The following DNAAF5 variants were observed in gnomAD, a reference collection of about 807,000 sequenced individuals.
DNAAF5 encodes dynein axonemal assembly factor 5, also known as HEAT repeat containing 2.
In DNAAF5, 64 loss-of-function variants were observed where a neutral mutation model predicts 75.8. The ratio of observed to expected loss-of-function variants is 0.84; its 90% confidence interval spans 0.69 to 1.04. The LOEUF is 1.04. Among genes scored for constraint, DNAAF5 ranks in the 50% least tolerant of loss-of-function variants. DNAAF5 has a pLI of 0.00. For missense variants in DNAAF5, 1,269 were observed against 1,178.5 expected, an observed-to-expected ratio of 1.08 and a Z score of -1.12; for synonymous variants, 657 against 557.2, an observed-to-expected ratio of 1.18 and a Z score of -2.52.
At chr7:781,595 G>C (rs1026100354) in intron 12 of DNAAF5, among the ~76,000 whole-genome samples, 5 of 139,362 alleles carry the variant, frequency 3.6e-5, no homozygotes, top group African/African-American at 1.2e-4. Flanking sequence ...CCTCCAGACT[G>C]TTCTCCCAGC....
chr7:740,129 C>T (rs1781859396), intron 2 of DNAAF5, among the ~76,000 whole-genome samples: 1 of 152,208 alleles, frequency 6.6e-6, no homozygotes, highest in South Asian at 2.1e-4. Flanking sequence ...GCTTCCTCAC[C>T]TGGCTTCTTC....
At chr7:767,869 G>A (rs1002962563) in intron 8 of DNAAF5, among the ~76,000 whole-genome samples, 1 of 149,882 alleles carries the variant, frequency 6.7e-6, no homozygotes, top group Non-Finnish European at 1.5e-5. Context: ...ACGCTGGGAG[G>A]GCAGACACAT....
At chr7:748,418 G>A (rs911670132) in intron 4 of DNAAF5, among the ~76,000 whole-genome samples, 6 of 152,188 alleles carry the variant, frequency 3.9e-5, no homozygotes, top group South Asian at 2.1e-4. Context: ...CTGTGCACCC[G>A]TACGTCGTCT....
At position 754,637 on chromosome 7, in the gene DNAAF5, C is replaced by A; in HGVS notation, c.1073C>A (p.Ser358Tyr). 6.2e-7 allele frequency: 1 copy of A among 1,614,162 alleles called. No homozygotes were observed. The highest frequency in any genetic ancestry group is 8.5e-7 in the Non-Finnish European group (1 of 1,180,022). ...CGGGAGCTCGTCTTCAGGAACCTCT[C>A]CAAGATCCTCCCTGCCCTGTGCCAC... ...GCRELVFRNL[S>Y]KILPALCHDI... Residue 358 changes from serine to tyrosine, a missense_variant, in exon 5 of 13, where the codon TCC (serine) becomes TAC (tyrosine). Coordinates refer to ENST00000297440, the MANE Select transcript of DNAAF5 (RefSeq NM_017802.4). The surrounding 1 kb of genome is among the most constrained non-coding windows in gnomAD (Gnocchi z 4.8).
At chr7:774,942 G>C in intron 10 of DNAAF5, 64 bp from the exon 11 acceptor site, 2 of 1,509,214 alleles carry the variant, frequency 1.3e-6, no homozygotes. Flanking sequence ...TGCACGGATG[G>C]TGAGCACCCC....
At chr7:780,192 C>T in intron 12 of DNAAF5, 48 bp downstream of exon 12, 1 of 1,558,328 alleles carries the variant, frequency 6.4e-7, no homozygotes, top group Non-Finnish European at 8.8e-7. Flanking sequence ...GCTTTCGGCG[C>T]CTGCCACGGG....
At chr7:774,673 A>C (rs1204157749) in intron 10 of DNAAF5, among the ~76,000 whole-genome samples, 2 of 152,278 alleles carry the variant, frequency 1.3e-5, no homozygotes, top group East Asian at 1.9e-4. Flanking sequence ...GCGCCCGTGC[A>C]GCATCAGCGC....
At chr7:763,628 C>T (rs768657378) in intron 7 of DNAAF5, among the ~76,000 whole-genome samples, 178 bp from the exon 8 acceptor site, 23 of 152,324 alleles carry the variant, frequency 1.5e-4, no homozygotes, top group African/African-American at 5.5e-4. Flanking sequence ...CCTGCACCCG[C>T]GGCTCTCGCT....
At chr7:729,607 G>C in intron 1 of DNAAF5, 56 bp from the exon 2 acceptor site, 1 of 1,544,202 alleles carries the variant, frequency 6.5e-7, no homozygotes, top group Non-Finnish European at 8.8e-7. Flanking sequence ...AGCCCACAGA[G>C]CTGGGCGAGG....
chr7:730,897 A>G (rs1392821150), intron 2 of DNAAF5, among the ~76,000 whole-genome samples: 1 of 152,228 alleles, frequency 6.6e-6, no homozygotes, highest in Admixed American at 6.5e-5. Flanking sequence ...GTTCGGCACC[A>G]GGCAGCACAG....
chr7:730,405 C>T (rs1054770497), intron 2 of DNAAF5, among the ~76,000 whole-genome samples: 8 of 152,136 alleles, frequency 5.3e-5, no homozygotes, highest in African/African-American at 1.2e-4. Context: ...CTGTGGCCAC[C>T]GGGGAAGCTG....
At chr7:740,692 G>T (rs539943884) in intron 2 of DNAAF5, 127 bp from the exon 3 acceptor site, 291 of 1,343,140 alleles carry the variant, frequency 2.2e-4, no homozygotes, top group Admixed American at 7.3e-4. Context: ...GTGGTAGGTG[G>T]CCCAGGACCT....
At chr7:738,279 A>G (rs547558505) in intron 2 of DNAAF5, among the ~76,000 whole-genome samples, 84 of 152,016 alleles carry the variant, frequency 5.5e-4, no homozygotes, top group African/African-American at 2.0e-3. Context: ...TAATTATTTC[A>G]ATATCTGTTA....
At chr7:743,087 G>A (rs945285464) in intron 4 of DNAAF5, among the ~76,000 whole-genome samples, 4 of 152,318 alleles carry the variant, frequency 2.6e-5, no homozygotes, top group East Asian at 1.9e-4. Flanking sequence ...CTTCTTGGCC[G>A]GGCACAGTAG....
chr7:774,134 T>G lies in DNAAF5; in HGVS notation c.2018T>G (p.Ile673Ser). Residue 673 changes from isoleucine (I) to serine (S), a missense_variant, in exon 10 of 13, where the codon ATC becomes AGC. By Grantham distance (142) the Ile-to-Ser change is moderately radical (BLOSUM62 -2). Transcript: ENST00000297440. The stretch of plus-strand genomic sequence containing the variant: ...CATGCGGGGAGGACAGCCGCGGCCA[T>G]CCGCACGGCTGCCGTGTCCTGCCTC... ...QWHAGRTAAA[I>S]RTAAVSCLWA... 6.2e-7 allele frequency: 1 copy of G among 1,612,462 alleles called. No homozygotes were observed. The highest frequency in any genetic ancestry group is 8.5e-7 in the Non-Finnish European group (1 of 1,179,938).
intron 4 of DNAAF5, among the ~76,000 whole-genome samples, chr7:747,434 T>G (rs1323525051): frequency 2.5e-4 from 36 of 144,934 alleles, no homozygotes; most frequent in Middle Eastern, 4.0e-3. Flanking sequence ...GGGTTTGCTA[T>G]TTTCAGCGTG....
chr7:737,722 T>C (rs1781780735), intron 2 of DNAAF5, among the ~76,000 whole-genome samples: 1 of 152,240 alleles, frequency 6.6e-6, no homozygotes, highest in Non-Finnish European at 1.5e-5. Context: ...TTCAGCACTT[T>C]AAATATGCCA....
chr7:770,742 C>T (rs1201503577), intron 9 of DNAAF5, 124 bp downstream of exon 9: 4 of 897,296 alleles, frequency 4.5e-6, no homozygotes, highest in Non-Finnish European at 6.6e-6. Context: ...CTGCACTGCG[C>T]AAGGGGTTCC....
chr7:770,985 CACAGAG>C (rs1778545717), intron 9 of DNAAF5: 2 of 31,780 alleles, frequency 6.3e-5, no homozygotes, highest in Non-Finnish European at 7.5e-5. Flanking sequence ...GCAGGGAATG[CACAGAG>C]AAGCACTAAG....
Sources: allele counts gnomAD v4.1 joint callset (sites outside exome capture counted in the v4.1 genomes callset), GRCh38; gene constraint gnomAD v4.1.1; non-coding constraint Gnocchi (gnomAD v3.1); transcripts MANE v1.5; gene names NCBI Gene and HGNC (gene_info 2026-07-23, HGNC 2026-07-21).